The following SRGAP1 variants were observed in gnomAD, a reference collection of about 807,000 sequenced individuals.
SRGAP1 encodes the protein SLIT-ROBO Rho GTPase activating protein 1.
A neutral mutation model predicts 121.9 loss-of-function variants in SRGAP1; 43 were observed. The observed-to-expected ratio is 0.35, with a 90% confidence interval of 0.28 to 0.46. SRGAP1 has a LOEUF of 0.46. Ranked by LOEUF, SRGAP1 falls within the 20% of genes least tolerant of loss-of-function variation. The probability of loss-of-function intolerance (pLI) is 1.00; values close to 1 mark genes in which losing one functional copy is unlikely to be tolerated. For missense variants in SRGAP1, 1,102 were observed against 1,350.9 expected (o/e 0.82, Z 2.89); for synonymous variants, 447 against 485.4 (o/e 0.92, Z 1.04).
intron 3 of SRGAP1, among the ~76,000 whole-genome samples, chr12:64,010,048 A>G (rs980985460): frequency 6.6e-6 from 1 of 152,164 alleles, no homozygotes; most frequent in South Asian, 2.1e-4. Flanking sequence ...AGCTTTGGAA[A>G]CTTAAAAGCA....
At chr12:63,855,447 A>C in intron 1 of SRGAP1, among the ~76,000 whole-genome samples, 1 of 149,780 alleles carries the variant, frequency 6.7e-6, no homozygotes, top group East Asian at 2.0e-4. Flanking sequence ...TTTGGTGAAC[A>C]AGCAGCAGTC....
chr12:64,015,284 A>T (rs1348709040), intron 3 of SRGAP1, among the ~76,000 whole-genome samples: 1 of 152,208 alleles, frequency 6.6e-6, no homozygotes, highest in Non-Finnish European at 1.5e-5. Context: ...AGTATAATAT[A>T]TACCCTCTCA....
At chr12:64,118,467 C>A (rs543181945) in intron 18 of SRGAP1, among the ~76,000 whole-genome samples, 1 of 152,084 alleles carries the variant, frequency 6.6e-6, no homozygotes, top group Admixed American at 6.5e-5. Context: ...TTGCCGTGTT[C>A]CCCAGGCTGG....
In SRGAP1 at chr12:64,127,598, C is replaced by A; in HGVS notation, c.2414C>A (p.Thr805Lys). 1 of 1,613,030 alleles carries A rather than the reference C, an allele frequency of 6.2e-7. No individual in the cohort carries two copies. The highest frequency in any genetic ancestry group is 8.5e-7 in the Non-Finnish European group (1 of 1,179,604). ...TCCTCTTACTGCTTCAGGGATGATACGTTTTCAGACACTCTGAGCCAAAAA... is the reference window on the plus strand; with the variant it reads ...TCCTCTTACTGCTTCAGGGATGATAAGTTTTCAGACACTCTGAGCCAAAAA... ...QYIVVQDMDD[T>K]FSDTLSQKAD... Residue 805 changes from threonine to lysine, a missense_variant, in exon 20 of 22, where the codon ACG becomes AAG. Thr to Lys is a moderately conservative substitution (Grantham distance 78, BLOSUM62 -1). This residue lies in a region of SRGAP1 where 40 missense variants were observed against 78.4 expected (regional missense o/e 0.51). Coordinates refer to ENST00000355086, the MANE Select transcript of SRGAP1 (RefSeq NM_020762.4).
rs536669669 is a variant in SRGAP1, at chr12:63,936,887, A to G, written c.68-47060A>G. Among the ~76,000 whole-genome samples, 6 of 152,328 alleles carry G rather than the reference A, an allele frequency of 3.9e-5. No individual in the cohort carries two copies. The East Asian group carries it at 1.2e-3, about 29-fold the overall frequency. ...TGATGATGAAACTGAAGTTAAAAGG[A>G]TACCACTTGCCTAAGGACCCAAATC... On this transcript the variant is annotated intron_variant, in intron 1 of 21. Coordinates refer to ENST00000355086, the MANE Select transcript of SRGAP1 (RefSeq NM_020762.4).
At chr12:64,045,030 AACTTTATCCT>A (rs1390548072) in intron 6 of SRGAP1, among the ~76,000 whole-genome samples, 1 of 152,062 alleles carries the variant, frequency 6.6e-6, no homozygotes, top group East Asian at 1.9e-4. Context: ...GTCTCAAAAC[AACTTTATCCT>A]ATAATATCAT....
intron 21 of SRGAP1, among the ~76,000 whole-genome samples, chr12:64,136,490 A>T (rs2036858314): frequency 6.6e-6 from 1 of 152,236 alleles, no homozygotes; most frequent in African/African-American, 2.4e-5. Flanking sequence ...AGATTTCAAA[A>T]AAGAGTGAAT....
chr12:64,052,092 A>G (rs1383188691), intron 6 of SRGAP1, among the ~76,000 whole-genome samples: 1 of 152,216 alleles, frequency 6.6e-6, no homozygotes, highest in African/African-American at 2.4e-5. Flanking sequence ...TCAATTGTTA[A>G]CCAAGTATCT....
At chr12:64,037,456 C>T (rs1481836929) in intron 4 of SRGAP1, among the ~76,000 whole-genome samples, 13 of 152,230 alleles carry the variant, frequency 8.5e-5, no homozygotes, top group African/African-American at 3.1e-4. Context: ...CATATCTCCA[C>T]CATGTTATTA....
At chr12:64,091,866 A>C in intron 12 of SRGAP1, 1 of 1,532,838 alleles carries the variant, frequency 6.5e-7, no homozygotes. Context: ...CTTCTTTTTC[A>C]TCCTGTATTT....
In SRGAP1 at chr12:64,062,900, TTC is replaced by T. The variant is rs1232743596; in HGVS notation, c.802-15_802-14del. The T allele has an allele frequency of 6.3e-7, 1 of 1,592,726 alleles. No homozygotes were observed. Among genetic ancestry groups the T allele is most frequent in the East Asian group, 2.2e-5 (1 of 44,486 alleles). Reference sequence around the variant, plus strand: ...TTTGCATTCATTTTTGTATGTGGTGTTCTTTTACTTTTTAAGTGCTGTGATCT... The same window carrying T: ...TTTGCATTCATTTTTGTATGTGGTGTTTTTACTTTTTAAGTGCTGTGATCT... On this transcript the variant is annotated splice_polypyrimidine_tract_variant and intron_variant, in intron 6 of 21. Coordinates refer to ENST00000355086, the MANE Select transcript of SRGAP1 (RefSeq NM_020762.4).
chr12:63,991,933 C>A (rs140818788), intron 3 of SRGAP1, among the ~76,000 whole-genome samples: 61 of 152,054 alleles, frequency 4.0e-4, no homozygotes, highest in Non-Finnish European at 6.9e-4. Flanking sequence ...ACAGTTACTA[C>A]GCTAAATGGA....
At chr12:64,120,427 AACCT>A (rs2036588687) in intron 18 of SRGAP1, 1 of 152,192 alleles carries the variant, frequency 6.6e-6, no homozygotes, top group African/African-American at 2.4e-5. Flanking sequence ...TTAAACTGCA[AACCT>A]ACCTGAGAAC....
rs544819842 is a variant in SRGAP1 at position 64,033,182 on chromosome 12, G to A, written c.490-9608G>A. Among the ~76,000 whole-genome samples the A allele has an allele frequency of 3.3e-5, 5 of 151,806 alleles. No individual in the cohort carries two copies. The East Asian group carries it at 5.8e-4, about 18-fold the overall frequency. ...TTGTTTTACTTAGTCCCTGCATCTC[G>A]TTTGCCCTGTCATTTGGTTACTTGG... is the stretch of plus-strand genomic sequence containing the variant. On this transcript the variant is annotated intron_variant, in intron 4 of 21. Transcript: ENST00000355086.
chr12:64,140,497 T>C (rs1472699227), intron 21 of SRGAP1, among the ~76,000 whole-genome samples: 1 of 151,704 alleles, frequency 6.6e-6, no homozygotes, highest in Non-Finnish European at 1.5e-5. Flanking sequence ...TTATTCTCTT[T>C]GAAGCAATTG....
At chr12:63,969,662 T>C (rs1411168928) in intron 1 of SRGAP1, among the ~76,000 whole-genome samples, 4 of 151,860 alleles carry the variant, frequency 2.6e-5, no homozygotes, top group African/African-American at 4.8e-5. Context: ...GGCGTGGTGG[T>C]GGGCACCTGT....
intron 1 of SRGAP1, among the ~76,000 whole-genome samples, chr12:63,913,478 GAT>G (rs143358798): frequency 0.12 from 14,957 of 130,000 alleles, 1,196 homozygotes; most frequent in African/African-American, 0.18. Flanking sequence ...TATATATATG[GAT>G]ATATATATAT....
Position 63,869,467 on chromosome 12 carries a change from A to G in SRGAP1, c.67+24584A>G, listed in dbSNP as rs184470468. Among the ~76,000 whole-genome samples, 841 of 151,360 alleles carry G rather than the reference A, an allele frequency of 5.6e-3. 8 individuals are homozygous for G. The highest frequency in any genetic ancestry group is 0.019 in the African/African-American group (802 of 41,298). ...ATTGAAACCACGGCATATGGTATGT[A>G]TGTGTGTGTGTGTGTGTTTCTTTCC... is the stretch of plus-strand genomic sequence containing the variant. On this transcript the variant is annotated intron_variant, in intron 1 of 21. Transcript: ENST00000355086.
At chr12:64,026,853 A>C (rs1010841063) in intron 4 of SRGAP1, among the ~76,000 whole-genome samples, 2 of 150,210 alleles carry the variant, frequency 1.3e-5, no homozygotes, top group Non-Finnish European at 1.5e-5. Flanking sequence ...GGGTCAGAGC[A>C]AGACTCCATC....
Sources: allele counts gnomAD v4.1 joint callset (sites outside exome capture counted in the v4.1 genomes callset), GRCh38; gene constraint gnomAD v4.1.1; regional missense constraint gnomAD v4.1.1; transcripts MANE v1.5; gene names NCBI Gene and HGNC (gene_info 2026-07-23, HGNC 2026-07-21).